Variants in NINL observed in about 807,000 individuals in gnomAD.
NINL encodes ninein like, also known as ninein-like protein.
Under a neutral mutation model 160.3 loss-of-function variants are expected in NINL, and 153 were observed. The observed-to-expected ratio is 0.95, with a 90% CI of 0.84 to 1.09. The LOEUF (loss-of-function observed/expected upper bound fraction) is 1.09. NINL is among the 50% of genes least tolerant of loss of function. The pLI is 0.00. For missense variants in NINL, 1,829 were observed against 1,764.0 expected (o/e 1.04, Z -0.66); for synonymous variants, 800 against 734.8 (o/e 1.09, Z -1.43).
chr20:25,547,659 G>A (rs1202743007), intron 1 of NINL, among the ~76,000 whole-genome samples: 1 of 152,196 alleles, frequency 6.6e-6, no homozygotes, highest in Non-Finnish European at 1.5e-5. Context: ...GTTCTGCTGA[G>A]TAGAGAAACC....
intron 1 of NINL, among the ~76,000 whole-genome samples, chr20:25,532,260 C>T (rs1450910388): frequency 6.6e-6 from 1 of 152,250 alleles, no homozygotes; most frequent in Non-Finnish European, 1.5e-5. Context: ...CGCTTCCCTT[C>T]CTCCCAGAGC....
intron 1 of NINL, among the ~76,000 whole-genome samples, chr20:25,535,259 G>A (rs970800715): frequency 6.6e-6 from 1 of 152,204 alleles, no homozygotes; most frequent in Non-Finnish European, 1.5e-5. Flanking sequence ...GCCAGGGGCT[G>A]GTGTCGGGGG....
At chr20:25,455,593 T>C (rs1190090465) in intron 23 of NINL, 80 bp downstream of exon 23, 7 of 981,096 alleles carry the variant, frequency 7.1e-6, no homozygotes, top group Non-Finnish European at 6.4e-6. Context: ...TTTTCCTGTA[T>C]TAGCTACCTG....
chr20:25,481,598 G>C (rs191138712), intron 14 of NINL, among the ~76,000 whole-genome samples: 14 of 152,186 alleles, frequency 9.2e-5, no homozygotes, highest in Admixed American at 6.5e-5. Flanking sequence ...GGTAAGCCCC[G>C]ACAGCCTCTG....
At chr20:25,466,272 T>A (rs1428029697) in intron 19 of NINL, among the ~76,000 whole-genome samples, 1 of 151,974 alleles carries the variant, frequency 6.6e-6, no homozygotes, top group African/African-American at 2.4e-5. Context: ...TCCGCCCACC[T>A]TGGCCTCCCA....
intron 19 of NINL, among the ~76,000 whole-genome samples, chr20:25,465,259 T>C (rs1026125188): frequency 1.2e-4 from 18 of 152,194 alleles, no homozygotes; most frequent in African/African-American, 4.3e-4. Context: ...GCCAGTGTCA[T>C]GGGGAAAAAC....
chr20:25,566,716 C>A (rs1028885665), intron 1 of NINL, among the ~76,000 whole-genome samples: 2 of 152,140 alleles, frequency 1.3e-5, no homozygotes. Context: ...CTTGCTGGAG[C>A]CCAGGAGTTT....
At chr20:25,503,337 A>T in intron 7 of NINL, among the ~76,000 whole-genome samples, 1 of 138,574 alleles carries the variant, frequency 7.2e-6, no homozygotes, top group African/African-American at 2.7e-5. Flanking sequence ...GCACCTGAGC[A>T]GCCATGTTCC....
chr20:25,485,273 G>A (rs982449321), intron 13 of NINL, among the ~76,000 whole-genome samples: 2 of 152,194 alleles, frequency 1.3e-5, no homozygotes, highest in Non-Finnish European at 2.9e-5. Context: ...GTCAGGTGCT[G>A]GGAAACTTAC....
chr20:25,462,303 T>C, intron 20 of NINL, 80 bp downstream of exon 20: 1 of 1,364,910 alleles, frequency 7.3e-7, no homozygotes, highest in South Asian at 1.4e-5. Flanking sequence ...CCTCAGCGCG[T>C]GTCCTGACCT....
chr20:25,552,749 G>T (rs1033947131), intron 1 of NINL, among the ~76,000 whole-genome samples: 4 of 152,238 alleles, frequency 2.6e-5, no homozygotes, highest in African/African-American at 9.6e-5. Context: ...GAAAAATAGA[G>T]GTGCTGAACA....
At chr20:25,557,505 T>C (rs762761105) in intron 1 of NINL, among the ~76,000 whole-genome samples, 3 of 151,390 alleles carry the variant, frequency 2.0e-5, no homozygotes, top group Non-Finnish European at 2.9e-5. Context: ...CACTCCACCC[T>C]GGGCAACAGA....
rs2064396104 is a variant in NINL, at chr20:25,528,473, G to A, written c.-11-1875C>T. ...TTTATGCCTTATAACAATTCTACCA[G>A]GAAGCTTCTGCAACTTTCTGGAGGA... is the stretch of plus-strand genomic sequence containing the variant. On this transcript the variant is annotated intron_variant, in intron 1 of 23. Transcript: ENST00000278886. 2.0e-5 allele frequency among the ~76,000 whole-genome samples: 3 copies of A among 151,868 alleles called. No individual in the cohort carries two copies. In the South Asian group the frequency reaches 6.2e-4, roughly 31 times the overall value.
At chr20:25,511,012 C>T (rs2064060279) in intron 4 of NINL, among the ~76,000 whole-genome samples, 1 of 152,160 alleles carries the variant, frequency 6.6e-6, no homozygotes, top group South Asian at 2.1e-4. Context: ...CAATATAAAC[C>T]CAGTCATCAA....
chr20:25,519,209 T>C (rs369408519), intron 2 of NINL, among the ~76,000 whole-genome samples: 34 of 152,264 alleles, frequency 2.2e-4, no homozygotes, highest in East Asian at 2.1e-3. Context: ...TAATAATACT[T>C]TTACTGTCTT....
At chr20:25,472,324 G>GATAGATATATATATATAT (rs1555845880) in intron 17 of NINL, among the ~76,000 whole-genome samples, 1 of 83,982 alleles carries the variant, frequency 1.2e-5, no homozygotes, top group African/African-American at 4.3e-5. Context: ...GGGAGGAGAG[G>GATAGATATATATATATAT]ATATATATAT....
Position 25,578,793 on chromosome 20 carries a change from CAAAAAAAA to C in NINL, c.-12+6654_-12+6661del, listed in dbSNP as rs11344577. 1.1e-4 allele frequency among the ~76,000 whole-genome samples: 8 copies of C among 74,110 alleles called. No individual in the cohort carries two copies. The East Asian group carries it at 1.1e-3, about 10-fold the overall frequency. 48.6% of individuals were successfully genotyped at this position (74,110 alleles called of 152,430 possible). A position where few individuals can be genotyped will look rare whatever the true frequency, so the allele number is the denominator to read the frequency against. On this transcript the variant is annotated intron_variant, in intron 1 of 23. Coordinates refer to ENST00000278886, the MANE Select transcript of NINL (RefSeq NM_025176.6). ...GGGTGACAGAGCGAGACTCCATCTC[CAAAAAAAA>C]AAAAAAAAAAAGGAATTTGATCAAG...
chr20:25,516,083 G>A (rs902978926), intron 3 of NINL, among the ~76,000 whole-genome samples: 3 of 152,012 alleles, frequency 2.0e-5, no homozygotes, highest in African/African-American at 7.2e-5. Context: ...CCAAGATCTG[G>A]TTGTTTAAAA....
At chr20:25,462,639 G>C in intron 19 of NINL, 98 bp from the exon 20 acceptor site, 1 of 739,112 alleles carries the variant, frequency 1.4e-6, no homozygotes, top group Non-Finnish European at 2.0e-6. Flanking sequence ...TTATTAAGTA[G>C]TCATTTGTTT....
Sources: gnomAD v4.1 joint callset for allele counts (sites outside exome capture counted in the v4.1 genomes callset) on GRCh38, gnomAD v4.1.1 for gene constraint, MANE v1.5 for transcripts, NCBI Gene and HGNC (gene_info 2026-07-23, HGNC 2026-07-21) for gene names.